The following ACACA variants were observed in gnomAD, a reference collection of about 807,000 sequenced individuals.
ACACA encodes acetyl-CoA carboxylase alpha.
ACACA carries 103 observed loss-of-function variants against 296.1 expected under a neutral mutation model. The ratio of observed to expected loss-of-function variants is 0.35; its 90% CI spans 0.30 to 0.41. ACACA has a LOEUF of 0.41. ACACA is among the 10% of genes least tolerant of loss of function. ACACA has a pLI of 1.00. For synonymous variants in ACACA, 953 were observed against 1,038.6 expected (o/e 0.92, Z 1.58); for missense variants, 1,554 against 2,989.7 (o/e 0.52, Z 11.20).
chr17:37,351,146 AATAAAATAAAAT>A (rs1371793131), intron 1 of ACACA, among the ~76,000 whole-genome samples: 1 of 151,822 alleles, frequency 6.6e-6, no homozygotes, highest in Admixed American at 6.6e-5. Flanking sequence ...TCAAAAATAA[AATAAAATAAAAT>A]ATAAAATAAA....
intron 10 of ACACA, among the ~76,000 whole-genome samples, chr17:37,266,487 T>G (rs2081783512): frequency 6.6e-6 from 1 of 151,744 alleles, no homozygotes; most frequent in African/African-American, 2.4e-5. Flanking sequence ...AAAAAGATAC[T>G]TAGAAGCATC....
rs1162194148 is a variant in ACACA, at chr17:37,277,902, T to A, written c.714A>T (p.Pro238=). ...ACACATTGGCATCTCTTACTTGTACTGGGATCCTTTTAGCAATATCAAGAA... is the reference window on the plus strand; with the variant it reads ...ACACATTGGCATCTCTTACTTGTACAGGGATCCTTTTAGCAATATCAAGAA... ...ELILDIAKRI[P]VQAVWAGWGH... Residue 238 remains proline (P), a synonymous_variant, in exon 6 of 56, where the codon CCA becomes CCT. Coordinates refer to ENST00000616317, the MANE Select transcript of ACACA (RefSeq NM_198834.3). The A allele has an allele frequency of 6.2e-7, 1 of 1,612,248 alleles. No homozygotes were observed. Among genetic ancestry groups the A allele is most frequent in the Admixed American group, 1.7e-5 (1 of 60,022 alleles).
At chr17:37,367,456 T>G (rs2049649039) in intron 1 of ACACA, 1 of 152,120 alleles carries the variant, frequency 6.6e-6, no homozygotes, top group Non-Finnish European at 1.5e-5. Flanking sequence ...CTTGAGCTCT[T>G]TAATCAGGCT....
At chr17:37,226,096 G>A (rs1242047131) in intron 26 of ACACA, among the ~76,000 whole-genome samples, 1 of 152,102 alleles carries the variant, frequency 6.6e-6, no homozygotes, top group Non-Finnish European at 1.5e-5. Flanking sequence ...GGGAGGGAAG[G>A]GAATGATACC....
rs749464014 is a variant in ACACA at position 37,244,873 on chromosome 17, A to C, written c.2596-139T>G. The C allele has an allele frequency of 4.1e-5, 57 of 1,390,214 alleles. No individual in the cohort carries two copies. The highest frequency in any genetic ancestry group is 2.6e-5 in the Non-Finnish European group (25 of 979,886). The allele number at this position is 1,390,214 out of a possible 1,614,324, so 86.1% of individuals were successfully genotyped here. A position where few individuals can be genotyped will look rare whatever the true frequency, so the allele number is the denominator to read the frequency against. ...GAGGGAAGTCAATAGAGGAAACATC[A>C]TAAGGAAATTACAGAATCTTAGTAC... On this transcript the variant is annotated intron_variant, in intron 20 of 55. Coordinates refer to ENST00000616317, the MANE Select transcript of ACACA (RefSeq NM_198834.3).
intron 3 of ACACA, among the ~76,000 whole-genome samples, chr17:37,324,993 G>C (rs1451244612): frequency 6.6e-6 from 1 of 151,640 alleles, no homozygotes; most frequent in Non-Finnish European, 1.5e-5. Context: ...ACAAGGTCAG[G>C]AGTTCGAGAC....
chr17:37,221,628 A>T, intron 29 of ACACA, 96 bp downstream of exon 29: 1 of 1,085,018 alleles, frequency 9.2e-7, no homozygotes, highest in Non-Finnish European at 1.4e-6. Flanking sequence ...CTACATTTCT[A>T]ACTAAAAAAA....
chr17:37,264,125 G>A (rs1243794453), intron 10 of ACACA, among the ~76,000 whole-genome samples: 2 of 151,992 alleles, frequency 1.3e-5, no homozygotes, highest in African/African-American at 2.4e-5. Context: ...GAAAACATAC[G>A]AACATCTGGT....
chr17:37,353,637 TAAAAAAAAAAAAAAA>T (rs1169088763), intron 1 of ACACA, among the ~76,000 whole-genome samples: 1 of 56,662 alleles, frequency 1.8e-5, no homozygotes, highest in Non-Finnish European at 2.9e-5. Flanking sequence ...AGACTCCGTC[TAAAAAAAAAAAAAAA>T]AAAAAAAAAA....
chr17:37,359,084 G>A (rs2049283371), intron 1 of ACACA: 3 of 985,872 alleles, frequency 3.0e-6, no homozygotes, highest in African/African-American at 1.7e-5. Flanking sequence ...CGGCGGCTCG[G>A]GCGATGGCTG....
At chr17:37,241,657 T>A (rs1197174150) in intron 23 of ACACA, among the ~76,000 whole-genome samples, 1 of 152,054 alleles carries the variant, frequency 6.6e-6, no homozygotes, top group Non-Finnish European at 1.5e-5. Flanking sequence ...CAATGAGCCA[T>A]GATTGAGCCA....
intron 1 of ACACA, among the ~76,000 whole-genome samples, chr17:37,390,332 A>ATC (rs2050821471): frequency 1.1e-5 from 1 of 91,174 alleles, no homozygotes; most frequent in Non-Finnish European, 2.0e-5. Context: ...ATATATATAT[A>ATC]TAAAAGGCCA....
At chr17:37,266,370 C>T (rs1042677561) in intron 10 of ACACA, among the ~76,000 whole-genome samples, 7 of 150,762 alleles carry the variant, frequency 4.6e-5, no homozygotes, top group African/African-American at 7.3e-5. Flanking sequence ...GCCGAGATCG[C>T]GCCACTGCAC....
rs763633873 is a variant in ACACA at position 37,226,301 on chromosome 17, G to A, written c.3360+38C>T. 20 of 1,487,814 alleles carry A rather than the reference G, an allele frequency of 1.3e-5. No homozygotes were observed. The East Asian group carries it at 4.1e-4, about 30-fold the overall frequency. 92.2% of individuals were successfully genotyped at this position (1,487,814 alleles called of 1,614,324 possible). On this transcript the variant is annotated intron_variant, in intron 26 of 55. Transcript: ENST00000616317. ...GTCTAGGACTGCCTGATCTATGAAA[G>A]CCATCCCTCCTTTAAGAAAACCAAC...
At chr17:37,275,745 T>C (rs887003252) in intron 8 of ACACA, among the ~76,000 whole-genome samples, 7 of 152,176 alleles carry the variant, frequency 4.6e-5, no homozygotes, top group African/African-American at 1.4e-4. Context: ...CAGATCACAA[T>C]TTAGCATCTG....
chr17:37,262,574 C>T (rs2081564690), intron 11 of ACACA, among the ~76,000 whole-genome samples: 1 of 152,094 alleles, frequency 6.6e-6, no homozygotes, highest in Non-Finnish European at 1.5e-5. Flanking sequence ...ATAAATAACA[C>T]ATAAATAAAT....
At chr17:37,379,018 G>C (rs1476009401) in intron 1 of ACACA, 2 of 1,231,124 alleles carry the variant, frequency 1.6e-6, no homozygotes, top group Admixed American at 2.7e-5. Context: ...GCTGGAGTGA[G>C]CCATGATTGC....
Position 37,224,994 on chromosome 17 carries a change from G to A in ACACA, c.3472C>T (p.Gln1158Ter). ...TATATATATATATATATATATACCT[G>A]CAGGTTCTCAATGCAAAATTGATGT... is the stretch of plus-strand genomic sequence containing the variant. ...YGHQFCIENL[Q>*]KLILSETSIF... is the part of the protein sequence containing the mutation. The change falls in exon 27 of 56, where the codon CAG becomes TAG. Residue 1158 changes from glutamine (Q) to a stop codon, truncating the protein, a stop_gained and splice_region_variant. Transcript: ENST00000616317. LOFTEE classifies it high-confidence loss of function. 6.9e-7 allele frequency: 1 copy of A among 1,445,458 alleles called. No homozygotes were observed. Among genetic ancestry groups the A allele is most frequent in the Non-Finnish European group, 9.7e-7 (1 of 1,031,774 alleles). 89.5% of individuals were successfully genotyped at this position (1,445,458 alleles called of 1,614,324 possible). A position where few individuals can be genotyped will look rare whatever the true frequency, so the allele number is the denominator to read the frequency against.
At chr17:37,092,053 T>C (rs951169216) in intron 54 of ACACA, among the ~76,000 whole-genome samples, 1 of 151,776 alleles carries the variant, frequency 6.6e-6, no homozygotes, top group African/African-American at 2.4e-5. Flanking sequence ...TTTGGGAGGC[T>C]GAGGCAGGGA....
Sources: gnomAD v4.1 joint callset for allele counts (sites outside exome capture counted in the v4.1 genomes callset) on GRCh38, gnomAD v4.1.1 for gene constraint, MANE v1.5 for transcripts, NCBI Gene and HGNC (gene_info 2026-07-23, HGNC 2026-07-21) for gene names.